The following CLIP1 variants were observed in gnomAD, a reference collection of about 807,000 sequenced individuals.
CLIP1 encodes the protein CAP-Gly domain containing linker protein 1.
CLIP1 carries 66 observed loss-of-function variants against 161.6 expected under a neutral mutation model. The observed-to-expected ratio is 0.41, with a 90% CI of 0.33 to 0.50. The LOEUF (loss-of-function observed/expected upper bound fraction) is 0.50, where lower values mean the gene tolerates loss of function less well. Among genes scored for constraint, CLIP1 ranks in the 20% least tolerant of loss-of-function variants. CLIP1 has a pLI of 0.27. For synonymous variants in CLIP1, 598 were observed against 626.2 expected, an observed-to-expected ratio of 0.96 and a Z score of 0.67; for missense variants, 1,376 against 1,702.0, an observed-to-expected ratio of 0.81 and a Z score of 3.37.
chr12:122,321,202 C>T (rs1042721126), intron 17 of CLIP1, among the ~76,000 whole-genome samples: 1 of 151,510 alleles, frequency 6.6e-6, no homozygotes, highest in African/African-American at 2.4e-5. Flanking sequence ...TAGTTAAAAG[C>T]CAAACAGAAG....
chr12:122,346,836 A>T (rs930797119), intron 10 of CLIP1, among the ~76,000 whole-genome samples: 3 of 152,182 alleles, frequency 2.0e-5, no homozygotes, highest in African/African-American at 7.2e-5. Flanking sequence ...AGCGACAGGA[A>T]GGAGGGAGAT....
chr12:122,395,049 G>A (rs934092470), intron 1 of CLIP1, among the ~76,000 whole-genome samples: 2 of 152,222 alleles, frequency 1.3e-5, no homozygotes, highest in East Asian at 1.9e-4. Flanking sequence ...AGACCTCTGG[G>A]TCATAAAGAA....
intron 20 of CLIP1, among the ~76,000 whole-genome samples, chr12:122,298,868 T>A (rs897435115): frequency 6.6e-5 from 10 of 151,150 alleles, no homozygotes; most frequent in African/African-American, 2.4e-4. Flanking sequence ...GGGAGGAGAA[T>A]CGCGTGAACC....
chr12:122,382,688 G>C (rs1375959262), intron 1 of CLIP1, among the ~76,000 whole-genome samples: 3 of 151,758 alleles, frequency 2.0e-5, no homozygotes, highest in Non-Finnish European at 4.4e-5. Flanking sequence ...CTAGGTGGTA[G>C]AGTGAGACTA....
rs570981308 is a variant in CLIP1 at position 122,358,428 on chromosome 12, T to C, written c.1005+2531A>G. On this transcript the variant is annotated intron_variant, in intron 5 of 25. Transcript: ENST00000620786. ...CCCCTCTGCGAGAAACACCCAAGAATGAACAATTAAAAAAAAAAAAAGAAA... is the reference window on the plus strand; with the variant it reads ...CCCCTCTGCGAGAAACACCCAAGAACGAACAATTAAAAAAAAAAAAAGAAA... Among the ~76,000 whole-genome samples, 9 of 120,088 alleles carry C rather than the reference T, an allele frequency of 7.5e-5. No individual in the cohort carries two copies. In the Admixed American group the frequency reaches 8.4e-4, roughly 11 times the overall value. 78.8% of individuals were successfully genotyped at this position (120,088 alleles called of 152,430 possible).
chr12:122,388,606 T>C (rs556576052), intron 1 of CLIP1, among the ~76,000 whole-genome samples: 2 of 152,282 alleles, frequency 1.3e-5, no homozygotes, highest in Non-Finnish European at 2.9e-5. Flanking sequence ...TCTTGTTTTA[T>C]CACCCAGATT....
At chr12:122,299,136 T>TA (rs1950580470) in intron 20 of CLIP1, among the ~76,000 whole-genome samples, 1 of 152,180 alleles carries the variant, frequency 6.6e-6, no homozygotes, top group Non-Finnish European at 1.5e-5. Context: ...CTTGTATCTT[T>TA]AGTGCAGCCG....
intron 24 of CLIP1, chr12:122,274,375 T>C (rs372016815): frequency 1.9e-5 from 9 of 477,954 alleles, no homozygotes; most frequent in East Asian, 7.6e-5. Context: ...AGGCCATGTC[T>C]AGGTGGTAAG....
chr12:122,365,457 A>C, intron 3 of CLIP1: 1 of 784,300 alleles, frequency 1.3e-6, no homozygotes, highest in Non-Finnish European at 2.3e-6. Context: ...AAGAGCCAAG[A>C]TAGCTTCCTG....
At chr12:122,354,614 T>C (rs1953237708) in intron 6 of CLIP1, 58 bp from the exon 7 acceptor site, 3 of 1,377,104 alleles carry the variant, frequency 2.2e-6, no homozygotes, top group South Asian at 1.2e-5. Flanking sequence ...ACAGACCCAG[T>C]GATACTTCTC....
At chr12:122,340,549 G>C (rs1452459660) in intron 11 of CLIP1, among the ~76,000 whole-genome samples, 1 of 152,072 alleles carries the variant, frequency 6.6e-6, no homozygotes, top group Non-Finnish European at 1.5e-5. Context: ...AATTCACATG[G>C]TTGAGCCATT....
Position 122,351,135 on chromosome 12 carries a change from G to A in CLIP1, c.1377C>T (p.Ser459=), listed in dbSNP as rs367998544. The change falls in exon 9 of 26, where the codon AGC becomes AGT. Residue 459 remains serine (S), a synonymous_variant. Transcript: ENST00000620786. The part of the protein sequence containing the change: ...SITKGDLEQK[S]QISEDPENTQ... Reference sequence around the variant, plus strand: ...CATTCTCAGGATCTTCAGAAATCTGGCTCTTTTGCTATCAGTAAAAAAATA... The same window carrying A: ...CATTCTCAGGATCTTCAGAAATCTGACTCTTTTGCTATCAGTAAAAAAATA... 2.0e-6 allele frequency: 3 copies of A among 1,510,128 alleles called. 1 individual carries two copies. In the South Asian group the frequency reaches 3.9e-5, roughly 20 times the overall value. 93.5% of individuals were successfully genotyped at this position (1,510,128 alleles called of 1,614,324 possible). A position where few individuals can be genotyped will look rare whatever the true frequency, so the allele number is the denominator to read the frequency against.
At position 122,336,631 on chromosome 12, in the gene CLIP1, C is replaced by A; in HGVS notation, c.2568+1G>T. On this transcript the variant is annotated splice_donor_variant, in intron 12 of 25. Coordinates refer to ENST00000620786, the MANE Select transcript of CLIP1 (RefSeq NM_001247997.2). LOFTEE classifies it high-confidence loss of function. Reference sequence around the variant, plus strand: ...GATTCAGATTCCCAACAGGTACTTACCAAAATCTGAAGTTCTTTTTCCAAA... The same window carrying A: ...GATTCAGATTCCCAACAGGTACTTAACAAAATCTGAAGTTCTTTTTCCAAA... 1 of 1,541,182 alleles carries A rather than the reference C, an allele frequency of 6.5e-7. No homozygotes were observed. The highest frequency in any genetic ancestry group is 2.2e-5 in the East Asian group (1 of 44,466).
chr12:122,414,862 GC>G (rs1045659195), intron 1 of CLIP1, among the ~76,000 whole-genome samples: 1 of 151,906 alleles, frequency 6.6e-6, no homozygotes, highest in African/African-American at 2.4e-5. Context: ...TTTGAGTTCC[GC>G]CTATATGGGA....
At chr12:122,295,303 G>C (rs1030868597) in intron 20 of CLIP1, among the ~76,000 whole-genome samples, 1 of 152,050 alleles carries the variant, frequency 6.6e-6, no homozygotes, top group Admixed American at 6.6e-5. Context: ...CCAGGAGGCA[G>C]AGGTTGCAGT....
intron 1 of CLIP1, among the ~76,000 whole-genome samples, chr12:122,409,744 C>G (rs954459724): frequency 6.6e-6 from 1 of 152,084 alleles, no homozygotes; most frequent in South Asian, 2.1e-4. Flanking sequence ...GTTGGCCAGG[C>G]TGGTCTCGAA....
At chr12:122,346,684 G>T (rs1024996198) in intron 10 of CLIP1, among the ~76,000 whole-genome samples, 1 of 152,072 alleles carries the variant, frequency 6.6e-6, no homozygotes, top group South Asian at 2.1e-4. Context: ...TGTATTTTCA[G>T]TAAAGACAGG....
intron 24 of CLIP1, 183 bp from the exon 25 acceptor site, chr12:122,274,345 T>C (rs1955304926): frequency 1.9e-6 from 1 of 530,136 alleles, no homozygotes; most frequent in Non-Finnish European, 3.4e-6. Context: ...ATTGTGTGAG[T>C]AAAGAGCTGA....
At chr12:122,419,958 A>C (rs1956885001) in intron 1 of CLIP1, among the ~76,000 whole-genome samples, 1 of 151,600 alleles carries the variant, frequency 6.6e-6, no homozygotes, top group African/African-American at 2.4e-5. Context: ...CAAGAATCAA[A>C]CATGACTGAG....
Sources: gnomAD v4.1 joint callset for allele counts (sites outside exome capture counted in the v4.1 genomes callset) on GRCh38, gnomAD v4.1.1 for gene constraint, MANE v1.5 for transcripts, NCBI Gene and HGNC (gene_info 2026-07-23, HGNC 2026-07-21) for gene names.